GRM8: variants seen among roughly 807,000 people sequenced by gnomAD.
GRM8 encodes the protein metabotropic glutamate receptor 8.
In GRM8, 47 loss-of-function variants were observed where a neutral mutation model predicts 87.2. The observed-to-expected ratio is 0.54, with a 90% CI of 0.43 to 0.69. GRM8 has a LOEUF of 0.69. Ranked by LOEUF, GRM8 falls within the 30% of genes least tolerant of loss-of-function variation. The probability of loss-of-function intolerance (pLI) is 0.00; values close to 1 mark genes in which losing one functional copy is unlikely to be tolerated. For synonymous variants in GRM8, 396 were observed against 404.5 expected, an observed-to-expected ratio of 0.98 and a Z score of 0.25; for missense variants, 1,019 against 1,139.2, an observed-to-expected ratio of 0.89 and a Z score of 1.52.
intron 7 of GRM8, among the ~76,000 whole-genome samples, chr7:126,647,508 A>G (rs762937263): frequency 3.5e-4 from 53 of 152,122 alleles, no homozygotes; most frequent in Admixed American, 2.6e-4. Flanking sequence ...AGATTCATAT[A>G]TTCAACTACG....
At chr7:127,216,501 G>A (rs1796545554) in intron 2 of GRM8, among the ~76,000 whole-genome samples, 1 of 123,860 alleles carries the variant, frequency 8.1e-6, no homozygotes, top group Non-Finnish European at 1.6e-5. Context: ...CTGGGCGACA[G>A]AGCGAGACTC....
intron 7 of GRM8, among the ~76,000 whole-genome samples, chr7:126,739,240 A>G (rs1178255931): frequency 1.3e-5 from 2 of 151,822 alleles, no homozygotes; most frequent in African/African-American, 4.8e-5. Flanking sequence ...AAGCAGAAAT[A>G]AGGTCTTTTT....
chr7:126,730,887 CTTAAT>C (rs758103327), intron 7 of GRM8, among the ~76,000 whole-genome samples: 26 of 152,072 alleles, frequency 1.7e-4, no homozygotes, highest in Non-Finnish European at 1.5e-4. Context: ...TTGGCATTTA[CTTAAT>C]TTAGTTATCA....
At chr7:127,112,466 C>G (rs1217333704) in intron 2 of GRM8, 2 of 152,156 alleles carry the variant, frequency 1.3e-5, no homozygotes, top group Non-Finnish European at 2.9e-5. Context: ...ACATGAGCTC[C>G]CATGAGATAG....
At chr7:126,823,186 T>A (rs1048663272) in intron 6 of GRM8, among the ~76,000 whole-genome samples, 1 of 152,242 alleles carries the variant, frequency 6.6e-6, no homozygotes, top group African/African-American at 2.4e-5. Flanking sequence ...ATCATATAAC[T>A]GACACATAAG....
chr7:126,704,832 GAAACTTCATT>G (rs1371809406), intron 7 of GRM8, among the ~76,000 whole-genome samples: 1 of 152,106 alleles, frequency 6.6e-6, no homozygotes, highest in Non-Finnish European at 1.5e-5. Context: ...AATGGTGCCC[GAAACTTCATT>G]AGCAATTTTA....
At chr7:127,019,654 C>T (rs1378981674) in intron 3 of GRM8, among the ~76,000 whole-genome samples, 6 of 152,032 alleles carry the variant, frequency 3.9e-5, no homozygotes, top group Non-Finnish European at 8.8e-5. Flanking sequence ...AATCATTACA[C>T]GGGCACACTC....
chr7:126,785,943 T>C (rs1820584023), intron 6 of GRM8, among the ~76,000 whole-genome samples: 1 of 152,138 alleles, frequency 6.6e-6, no homozygotes, highest in African/African-American at 2.4e-5. Context: ...TCTCCTTGTG[T>C]CTAAACCCAA....
intron 7 of GRM8, among the ~76,000 whole-genome samples, chr7:126,650,731 G>A (rs1304318772): frequency 6.6e-6 from 1 of 151,814 alleles, no homozygotes; most frequent in Non-Finnish European, 1.5e-5. Flanking sequence ...ACCAACAGGT[G>A]ACTTCAGCAG....
chr7:126,707,256 C>T (rs1209539154), intron 7 of GRM8, among the ~76,000 whole-genome samples: 1 of 152,140 alleles, frequency 6.6e-6, no homozygotes, highest in Non-Finnish European at 1.5e-5. Context: ...GATTAACTTT[C>T]ACCTCCACAA....
chr7:126,617,790 G>A (rs921696520), intron 7 of GRM8, among the ~76,000 whole-genome samples: 1 of 152,084 alleles, frequency 6.6e-6, no homozygotes, highest in Non-Finnish European at 1.5e-5. Flanking sequence ...GCTTCAAAGA[G>A]AATAAAATAC....
At chr7:126,956,659 C>A (rs1300998716) in intron 3 of GRM8, among the ~76,000 whole-genome samples, 1 of 152,114 alleles carries the variant, frequency 6.6e-6, no homozygotes, top group Admixed American at 6.5e-5. Context: ...GAAGAGAGAA[C>A]TGAAGAGGCT....
At chr7:126,668,237 T>A (rs1189043020) in intron 7 of GRM8, among the ~76,000 whole-genome samples, 1 of 152,136 alleles carries the variant, frequency 6.6e-6, no homozygotes, top group Non-Finnish European at 1.5e-5. Context: ...TTACTCACCA[T>A]TCAAACTGTT....
intron 7 of GRM8, among the ~76,000 whole-genome samples, chr7:126,643,634 T>C (rs1802719019): frequency 6.6e-6 from 1 of 152,088 alleles, no homozygotes. Context: ...GTTCCAGAGA[T>C]CCACTGTGTT....
At chr7:126,778,938 C>T (rs1418244906) in intron 6 of GRM8, among the ~76,000 whole-genome samples, 1 of 151,998 alleles carries the variant, frequency 6.6e-6, no homozygotes, top group Non-Finnish European at 1.5e-5. Context: ...ATTAGCCTCC[C>T]AGCTTAATGA....
chr7:127,124,359 A>G (rs971978719), intron 2 of GRM8, among the ~76,000 whole-genome samples: 6 of 152,166 alleles, frequency 3.9e-5, no homozygotes, highest in Non-Finnish European at 8.8e-5. Context: ...CACTTGAATC[A>G]GCAACTTTAA....
At chr7:126,520,863 C>T (rs974898624) in intron 9 of GRM8, among the ~76,000 whole-genome samples, 3 of 152,100 alleles carry the variant, frequency 2.0e-5, no homozygotes, top group Non-Finnish European at 4.4e-5. Flanking sequence ...TTTTGTATTT[C>T]GAATGTAATT....
chr7:127,026,814 C>T (rs577249299), intron 3 of GRM8, among the ~76,000 whole-genome samples: 1 of 152,222 alleles, frequency 6.6e-6, no homozygotes, highest in Non-Finnish European at 1.5e-5. Flanking sequence ...ATGATAGTTG[C>T]TTCTGCTGTG....
chr7:126,770,117 G>T, intron 6 of GRM8, 52 bp from the exon 7 acceptor site: 1 of 1,229,150 alleles, frequency 8.1e-7, no homozygotes, highest in Non-Finnish European at 1.2e-6. Context: ...TCCAATAAAA[G>T]ACAGCATTAG....
Sources: gnomAD v4.1 joint callset for allele counts (sites outside exome capture counted in the v4.1 genomes callset) on GRCh38, gnomAD v4.1.1 for gene constraint, MANE v1.5 for transcripts, NCBI Gene and HGNC (gene_info 2026-07-23, HGNC 2026-07-21) for gene names.